The following TRIM9 variants were observed in gnomAD, a reference collection of about 807,000 sequenced individuals.
TRIM9 encodes the protein tripartite motif containing 9.
TRIM9 carries 26 observed loss-of-function variants against 78.3 expected under a neutral mutation model. That is an observed-to-expected ratio of 0.33 (90% CI 0.24 to 0.46). The LOEUF is 0.46. Ranked by LOEUF, TRIM9 falls within the 20% of genes least tolerant of loss-of-function variation. The probability of loss-of-function intolerance (pLI) is 1.00; values close to 1 mark genes in which losing one functional copy is unlikely to be tolerated. For synonymous variants in TRIM9, 398 were observed against 416.5 expected (o/e 0.96, Z 0.54); for missense variants, 787 against 1,036.4 (o/e 0.76, Z 3.30).
intron 1 of TRIM9, among the ~76,000 whole-genome samples, chr14:51,071,387 G>GAAAAA (rs56726763): frequency 8.6e-6 from 1 of 115,930 alleles, no homozygotes. Flanking sequence ...AAAAAAAAAA[G>GAAAAA]AAAAAAAAAA....
intron 3 of TRIM9, among the ~76,000 whole-genome samples, chr14:51,018,888 C>T (rs1007202760): frequency 2.6e-5 from 4 of 152,118 alleles, no homozygotes; most frequent in Non-Finnish European, 4.4e-5. Flanking sequence ...ATACATATCG[C>T]CTCTTACTAT....
At chr14:51,053,957 A>G (rs1023144018) in intron 1 of TRIM9, among the ~76,000 whole-genome samples, 2 of 152,224 alleles carry the variant, frequency 1.3e-5, no homozygotes, top group Admixed American at 1.3e-4. Context: ...AAAGCATGTT[A>G]TCAGTTTAAT....
chr14:51,030,757 G>A (rs373712567), intron 1 of TRIM9, among the ~76,000 whole-genome samples: 1 of 151,948 alleles, frequency 6.6e-6, no homozygotes, highest in African/African-American at 2.4e-5. Context: ...CTTGGCTTTG[G>A]GGGAGGCTCT....
At chr14:51,031,410 A>C (rs1415900388) in intron 1 of TRIM9, among the ~76,000 whole-genome samples, 1 of 152,180 alleles carries the variant, frequency 6.6e-6, no homozygotes, top group South Asian at 2.1e-4. Flanking sequence ...ACCTGAAGAA[A>C]GGGACTCTAT....
chr14:51,044,201 G>A (rs1449811327), intron 1 of TRIM9, among the ~76,000 whole-genome samples: 1 of 152,200 alleles, frequency 6.6e-6, no homozygotes, highest in Non-Finnish European at 1.5e-5. Flanking sequence ...GGTCCACAGA[G>A]TGATATGGAT....
intron 1 of TRIM9, among the ~76,000 whole-genome samples, chr14:51,028,306 C>T (rs1363224060): frequency 6.6e-6 from 1 of 152,078 alleles, no homozygotes; most frequent in Non-Finnish European, 1.5e-5. Context: ...AAGCTTTGTC[C>T]ACTTGTAGAA....
intron 11 of TRIM9, among the ~76,000 whole-genome samples, chr14:50,979,864 T>G (rs937243888): frequency 3.9e-5 from 6 of 152,206 alleles, no homozygotes; most frequent in Admixed American, 1.3e-4. Flanking sequence ...GAGAGTGAAC[T>G]CATTCATTAG....
intron 1 of TRIM9, among the ~76,000 whole-genome samples, chr14:51,043,448 G>A (rs2059713941): frequency 6.6e-6 from 1 of 152,200 alleles, no homozygotes; most frequent in African/African-American, 2.4e-5. Flanking sequence ...TAGGCCAGCT[G>A]GGGTAGTGCT....
At chr14:50,986,312 A>C in intron 7 of TRIM9, 168 bp from the exon 8 acceptor site, 1 of 490,508 alleles carries the variant, frequency 2.0e-6, no homozygotes. Context: ...GCAGGGAGGG[A>C]ATTTTCGGCA....
chr14:51,081,263 G>C (rs2063284038), intron 1 of TRIM9, among the ~76,000 whole-genome samples: 1 of 152,122 alleles, frequency 6.6e-6, no homozygotes. Flanking sequence ...AACATCACTA[G>C]TCATTAGGGA....
chr14:51,038,427 T>C (rs969139109), intron 1 of TRIM9, among the ~76,000 whole-genome samples: 3 of 152,190 alleles, frequency 2.0e-5, no homozygotes, highest in Non-Finnish European at 2.9e-5. Flanking sequence ...GAGAAGGCAG[T>C]TGGTTAAGAG....
chr14:51,047,164 T>G (rs2060012069), intron 1 of TRIM9, among the ~76,000 whole-genome samples: 1 of 152,224 alleles, frequency 6.6e-6, no homozygotes, highest in Non-Finnish European at 1.5e-5. Flanking sequence ...TATGTGGCTT[T>G]AAGTCTCTGG....
At chr14:50,979,957 A>C (rs2051630832) in intron 11 of TRIM9, among the ~76,000 whole-genome samples, 1 of 152,288 alleles carries the variant, frequency 6.6e-6, no homozygotes, top group South Asian at 2.1e-4. Flanking sequence ...CAGAGCTCTG[A>C]CTCTAGGAAT....
At chr14:51,015,996 T>C (rs934117767) in intron 3 of TRIM9, among the ~76,000 whole-genome samples, 1 of 152,216 alleles carries the variant, frequency 6.6e-6, no homozygotes, top group African/African-American at 2.4e-5. Flanking sequence ...TTAATCCTTT[T>C]TGTTTAAGGT....
At position 51,012,494 on chromosome 14, in the gene TRIM9, C is replaced by T. The variant is rs139778943; in HGVS notation, c.1042-2000G>A. Among the ~76,000 whole-genome samples the T allele has an allele frequency of 6.9e-3, 1,055 of 152,304 alleles. 14 individuals are homozygous for T. Among genetic ancestry groups the T allele is most frequent in the African/African-American group, 0.024 (992 of 41,566 alleles). ...ACCCATTGATGAATACTTTTGGCTACTGTGAATAAAGTGATTATAAACACG... is the reference window on the plus strand; with the variant it reads ...ACCCATTGATGAATACTTTTGGCTATTGTGAATAAAGTGATTATAAACACG... On this transcript the variant is annotated intron_variant, in intron 3 of 12. Transcript: ENST00000684578.
intron 1 of TRIM9, among the ~76,000 whole-genome samples, chr14:51,055,287 T>C (rs1402020488): frequency 6.6e-6 from 1 of 152,254 alleles, no homozygotes; most frequent in Non-Finnish European, 1.5e-5. Flanking sequence ...TCTTATCACG[T>C]TGATTACAAG....
At chr14:51,060,446 C>G (rs910913358) in intron 1 of TRIM9, among the ~76,000 whole-genome samples, 10 of 151,942 alleles carry the variant, frequency 6.6e-5, no homozygotes, top group African/African-American at 2.2e-4. Context: ...GAGACTCATT[C>G]TTATTTATTC....
intron 1 of TRIM9, among the ~76,000 whole-genome samples, chr14:51,033,460 ACC>A (rs2058900049): frequency 6.6e-6 from 1 of 152,214 alleles, no homozygotes; most frequent in South Asian, 2.1e-4. Flanking sequence ...CTTTTGTCAT[ACC>A]ATGTCTTGAC....
intron 10 of TRIM9, 25 bp from the exon 11 acceptor site, chr14:50,982,128 G>A (rs767291040): frequency 2.5e-6 from 4 of 1,611,252 alleles, no homozygotes; most frequent in Non-Finnish European, 2.5e-6. Flanking sequence ...AGGGAATCAG[G>A]TTATTAAGAC....
Sources: gnomAD v4.1 joint callset for allele counts (sites outside exome capture counted in the v4.1 genomes callset) on GRCh38, gnomAD v4.1.1 for gene constraint, MANE v1.5 for transcripts, NCBI Gene and HGNC (gene_info 2026-07-23, HGNC 2026-07-21) for gene names.